The following CPT1B variants were observed in gnomAD, a reference collection of about 807,000 sequenced individuals.
CPT1B encodes the protein carnitine O-palmitoyltransferase 1, muscle isoform.
In CPT1B, 57 loss-of-function variants were observed where a neutral mutation model predicts 92.7. The ratio of observed to expected loss-of-function variants is 0.62; its 90% CI spans 0.50 to 0.77. CPT1B has a LOEUF of 0.77. CPT1B is among the 30% of genes least tolerant of loss of function. The probability of loss-of-function intolerance (pLI) is 0.00; values close to 1 mark genes in which losing one functional copy is unlikely to be tolerated. For synonymous variants in CPT1B, 398 were observed against 383.5 expected (o/e 1.04, Z -0.44); for missense variants, 983 against 1,017.4 (o/e 0.97, Z 0.46).
At chr22:50,577,271 C>G (rs2070489058) in intron 3 of CPT1B, 53 bp downstream of exon 3, 3 of 1,603,908 alleles carry the variant, frequency 1.9e-6, no homozygotes, top group Non-Finnish European at 2.6e-6. Flanking sequence ...GCCTTGGGAG[C>G]TGGGCCCAGC....
At chr22:50,578,021 C>T in intron 1 of CPT1B, 87 bp from the exon 2 acceptor site, 4 of 871,384 alleles carry the variant, frequency 4.6e-6, no homozygotes, top group Non-Finnish European at 5.9e-6. Context: ...AGTCCGCGAC[C>T]CCTCGCGCCC....
At position 50,577,772 on chromosome 22, in the gene CPT1B, C is replaced by A; in HGVS notation, c.141+3G>T. On this transcript the variant is annotated splice_donor_region_variant and intron_variant, in intron 2 of 19. Transcript: ENST00000312108. ...ACGCTCTGGGAGAAGCACCTGTGCGCACCTTGATGCGGATCAGGCGTTTCT... is the reference window on the plus strand; with the variant it reads ...ACGCTCTGGGAGAAGCACCTGTGCGAACCTTGATGCGGATCAGGCGTTTCT... 1 of 1,613,390 alleles carries A rather than the reference C, an allele frequency of 6.2e-7. No homozygotes were observed.
At chr22:50,569,980 G>A (rs971701105) in intron 17 of CPT1B, among the ~76,000 whole-genome samples, 12 of 152,180 alleles carry the variant, frequency 7.9e-5, no homozygotes, top group African/African-American at 2.9e-4. Flanking sequence ...GGAGACAGCT[G>A]CACTCTCTTG....
In CPT1B at chr22:50,571,987, C is replaced by G. The variant is rs8142621; in HGVS notation, c.1575+19G>C. 2 of 1,608,946 alleles carry G rather than the reference C, an allele frequency of 1.2e-6. No individual in the cohort carries two copies. Among genetic ancestry groups the G allele is most frequent in the African/African-American group, 2.7e-5 (2 of 74,802 alleles). Reference sequence around the variant, plus strand: ...GCTGCTTTGTGGTCTCACACCTGCTCTGGGAGCTTCCAACCCACCTGTTTT... The same window carrying G: ...GCTGCTTTGTGGTCTCACACCTGCTGTGGGAGCTTCCAACCCACCTGTTTT... On this transcript the variant is annotated intron_variant, in intron 13 of 19. Transcript: ENST00000312108.
chr22:50,576,470 A>G (rs906293530), intron 5 of CPT1B, 66 bp downstream of exon 5: 54 of 1,598,532 alleles, frequency 3.4e-5, no homozygotes, highest in Non-Finnish European at 4.5e-5. Flanking sequence ...ACAGAACCTT[A>G]TATTTGGAAA....
intron 16 of CPT1B, 35 bp from the exon 17 acceptor site, chr22:50,570,441 T>C (rs2070110191): frequency 1.3e-6 from 2 of 1,494,898 alleles, no homozygotes; most frequent in Non-Finnish European, 1.8e-6. Context: ...AGAGGCCACA[T>C]ACCCAAAGCA....
Position 50,571,526 on chromosome 22 carries a change from A to G in CPT1B, c.1589T>C (p.Ile530Thr). 1.9e-6 allele frequency: 3 copies of G among 1,612,516 alleles called. No individual in the cohort carries two copies. In the East Asian group the frequency reaches 6.7e-5, roughly 36 times the overall value. ...WDIPKQCQAVIESSYQVAKAL... is the reference protein window; with the variant it reads ...WDIPKQCQAVTESSYQVAKAL... ...CTTGGCCACCTGGTAGGAACTCTCG[A>G]TGACCGCCTGGCACTGCCAAGACAT... Residue 530 changes from isoleucine to threonine, a missense_variant, in exon 14 of 20, where the codon ATC (isoleucine) becomes ACC (threonine). Physicochemically the swap from Ile to Thr is moderately conservative, Grantham distance 89. Coordinates refer to ENST00000312108, the MANE Select transcript of CPT1B (RefSeq NM_152246.3).
rs1409004827 is a variant in CPT1B, at chr22:50,573,318, T to C, written c.1166+202A>G. ...GGGGGTGCCAAGCTATTTTGGAGGG[T>C]GTCCCCACCCTCTGCACACTTCACC... On this transcript the variant is annotated intron_variant, in intron 10 of 19. Coordinates refer to ENST00000312108, the MANE Select transcript of CPT1B (RefSeq NM_152246.3). This position sits in a 1 kb window ranked among gnomAD's most constrained non-coding sequence, Gnocchi z 5.0. Among the ~76,000 whole-genome samples the C allele has an allele frequency of 2.0e-5, 3 of 151,724 alleles. No individual in the cohort carries two copies. Among genetic ancestry groups the C allele is most frequent in the South Asian group, 4.2e-4 (2 of 4,808 alleles).
Position 50,576,017 on chromosome 22 carries a change from G to T in CPT1B, c.777+18C>A. On this transcript the variant is annotated intron_variant, in intron 7 of 19. Transcript: ENST00000312108. The stretch of plus-strand genomic sequence containing the variant: ...CAGAGCTGAGCACGTGCGGGGACCT[G>T]GGGGCTCTAGTTCATACCATGACAT... 6.2e-7 allele frequency: 1 copy of T among 1,611,304 alleles called. No individual in the cohort carries two copies. The highest frequency in any genetic ancestry group is 1.1e-5 in the South Asian group (1 of 91,016).
intron 7 of CPT1B, among the ~76,000 whole-genome samples, chr22:50,575,774 C>T (rs2070401292): frequency 6.6e-6 from 1 of 152,206 alleles, no homozygotes; most frequent in Non-Finnish European, 1.5e-5. Context: ...TGGGCAGGGG[C>T]AGTGACCCCG....
rs910916065 is a variant in CPT1B at position 50,572,233 on chromosome 22, T to C, written c.1428A>G (p.Ala476=). 3.1e-6 allele frequency: 5 copies of C among 1,613,764 alleles called. No individual in the cohort carries two copies. The South Asian group carries it at 3.3e-5, about 11-fold the overall frequency. ...QLGLNAEHAW[A]DAPIIGHLWE... The stretch of plus-strand genomic sequence containing the variant: ...AGAGGTGCCCAATGATGGGAGCATC[T>C]GCCCACGCATGCTCTGCATTGAGAC... The change falls in exon 12 of 20, where the codon GCA becomes GCG. Residue 476 remains alanine (A), a synonymous_variant. Transcript: ENST00000312108.
chr22:50,569,725 C>T, intron 17 of CPT1B, 57 bp from the exon 18 acceptor site: 1 of 1,402,044 alleles, frequency 7.1e-7, no homozygotes, highest in Non-Finnish European at 1.0e-6. Flanking sequence ...GATCTGAAAG[C>T]CAAGCTGATA....
At chr22:50,572,795 C>T in intron 11 of CPT1B, 80 bp downstream of exon 11, 1 of 1,479,744 alleles carries the variant, frequency 6.8e-7, no homozygotes, top group South Asian at 1.2e-5. Context: ...ATAACCCTAC[C>T]TTCTTTTATC....
Position 50,570,323 on chromosome 22 carries a change from ATTGGGGTGCTGC to A in CPT1B, c.2100_2111del (p.Glu700_Asn704delinsAsp), listed in dbSNP as rs754006051. The A allele has an allele frequency of 6.3e-7, 1 of 1,598,446 alleles. No individual in the cohort carries two copies. Among genetic ancestry groups the A allele is most frequent in the Admixed American group, 1.7e-5 (1 of 58,838 alleles). On this transcript the variant is annotated inframe_deletion, in exon 17 of 20. Coordinates refer to ENST00000312108, the MANE Select transcript of CPT1B (RefSeq NM_152246.3). ...CAAAGCCACCTCCAGCGCCCAGGTG[ATTGGGGTGCTGC>A]TCTGGGTCGAACATGCGGATCTGGG... is the stretch of plus-strand genomic sequence containing the variant.
rs756288416 is a variant in CPT1B, at chr22:50,576,650, A to G, written c.460-13T>C. ...GGCGGATACACATCTGGGGGTACAG[A>G]GCAGAGTGCTGGGGTGGGAGCCAGT... On this transcript the variant is annotated splice_polypyrimidine_tract_variant and intron_variant, in intron 4 of 19. Transcript: ENST00000312108. 5 of 1,609,670 alleles carry G rather than the reference A, an allele frequency of 3.1e-6. No homozygotes were observed. Among genetic ancestry groups the G allele is most frequent in the Non-Finnish European group, 4.2e-6 (5 of 1,177,852 alleles).
In CPT1B at chr22:50,577,010, C is replaced by T; in HGVS notation, c.306G>A (p.Gln102=). The change falls in exon 4 of 20, where the codon CAG becomes CAA. Residue 102 remains glutamine (Q), a synonymous_variant. Coordinates refer to ENST00000312108, the MANE Select transcript of CPT1B (RefSeq NM_152246.3). ...TGGCCATGCTGAGAAGTGCCCGGGTCTGCGGGGTCTGGTAGGGGCCACACC... is the reference window on the plus strand; with the variant it reads ...TGGCCATGCTGAGAAGTGCCCGGGTTTGCGGGGTCTGGTAGGGGCCACACC... ...PQGCGPYQTP[Q]TRALLSMAIF... 2 of 1,614,044 alleles carry T rather than the reference C, an allele frequency of 1.2e-6. No individual in the cohort carries two copies. The highest frequency in any genetic ancestry group is 1.7e-6 in the Non-Finnish European group (2 of 1,180,018).
At chr22:50,569,261 C>A in intron 19 of CPT1B, 75 bp downstream of exon 19, 1 of 1,465,500 alleles carries the variant, frequency 6.8e-7, no homozygotes, top group Admixed American at 1.7e-5. Context: ...CACGGCCACC[C>A]CTCATGCCTG....
chr22:50,577,371 G>A lies in CPT1B; in HGVS notation c.234C>T (p.Asp78=). ...TGCAACTGACCAGCCCCAAGGAGAT[G>A]TCCACGTTGCAGAAGGAGGAACCCA... ...ATVGSSFCNV[D]ISLGLVSCIQ... is the part of the protein sequence containing the mutation. The change falls in exon 3 of 20, where the codon GAC becomes GAT. Residue 78 remains aspartate, a synonymous_variant. Coordinates refer to ENST00000312108, the MANE Select transcript of CPT1B (RefSeq NM_152246.3). 8 of 1,613,992 alleles carry A rather than the reference G, an allele frequency of 5.0e-6. No individual in the cohort carries two copies. The highest frequency in any genetic ancestry group is 1.3e-5 in the African/African-American group (1 of 75,074).
At chr22:50,575,474 A>G (rs1391882324) in intron 7 of CPT1B, among the ~76,000 whole-genome samples, 2 of 152,228 alleles carry the variant, frequency 1.3e-5, no homozygotes, top group African/African-American at 4.8e-5. Context: ...AGGCTCTGGC[A>G]AGTCAAGTGT....
Sources: allele counts gnomAD v4.1 joint callset (sites outside exome capture counted in the v4.1 genomes callset), GRCh38; gene constraint gnomAD v4.1.1; non-coding constraint Gnocchi (gnomAD v3.1); transcripts MANE v1.5; gene names NCBI Gene and HGNC (gene_info 2026-07-23, HGNC 2026-07-21).